The following BCL11B variants were observed in gnomAD, a reference collection of about 807,000 sequenced individuals.
BCL11B encodes the protein B-cell lymphoma/leukemia 11B.
In BCL11B, 8 loss-of-function variants were observed where a neutral mutation model predicts 49.9. The observed-to-expected ratio is 0.16, with a 90% CI of 0.09 to 0.29. BCL11B has a LOEUF of 0.29. Among genes scored for constraint, BCL11B ranks in the 10% least tolerant of loss-of-function variants. The probability of loss-of-function intolerance (pLI) is 1.00; values close to 1 mark genes in which losing one functional copy is unlikely to be tolerated. For missense variants in BCL11B, 1,006 were observed against 1,351.0 expected, an observed-to-expected ratio of 0.74 and a Z score of 4.00; for synonymous variants, 739 against 637.4, an observed-to-expected ratio of 1.16 and a Z score of -2.40.
chr14:99,185,994 G>T (rs1271978633), intron 3 of BCL11B, among the ~76,000 whole-genome samples: 3 of 152,182 alleles, frequency 2.0e-5, no homozygotes, highest in Non-Finnish European at 2.9e-5. Context: ...TCTGTGCCAG[G>T]CCCTATGCCA....
chr14:99,216,102 C>T (rs1363532311), intron 3 of BCL11B, among the ~76,000 whole-genome samples: 1 of 152,230 alleles, frequency 6.6e-6, no homozygotes, highest in Non-Finnish European at 1.5e-5. Context: ...GCACCTTTCA[C>T]AGGCCAGCTG....
Position 99,257,795 on chromosome 14 carries a change from C to T in BCL11B, c.103G>A (p.Gly35Ser). 1 of 1,564,976 alleles carries T rather than the reference C, an allele frequency of 6.4e-7. No individual in the cohort carries two copies. The highest frequency in any genetic ancestry group is 1.4e-5 in the African/African-American group (1 of 73,412). Reference protein sequence around the residue: ...VEAAILEEDEGLEIEEPSGLG... With the variant: ...VEAAILEEDESLEIEEPSGLG... ...CCACTTGGCTCCTCTATCTCCAGAC[C>T]CTCGTCTTCTTCGAGGATGGCGGCC... Residue 35 changes from glycine (G) to serine (S), a missense_variant, in exon 2 of 4, where the codon GGT becomes AGT. Physicochemically the swap from Gly to Ser is moderately conservative, Grantham distance 56. Coordinates refer to ENST00000357195, the MANE Select transcript of BCL11B (RefSeq NM_138576.4). The surrounding 1 kb of genome is among the most constrained non-coding windows in gnomAD (Gnocchi z 6.2).
intron 2 of BCL11B, among the ~76,000 whole-genome samples, chr14:99,246,037 C>T (rs544678612): frequency 2.6e-4 from 40 of 152,272 alleles, no homozygotes; most frequent in African/African-American, 7.0e-4. Context: ...GGAGCCGGTC[C>T]CGAGGCGGCT....
intron 3 of BCL11B, among the ~76,000 whole-genome samples, chr14:99,209,689 G>C (rs182976810): frequency 2.0e-5 from 3 of 152,144 alleles, no homozygotes. Flanking sequence ...GGCTGAGGGT[G>C]GGGGAAGAAG....
chr14:99,257,874 A>G lies in BCL11B; in HGVS notation c.59-35T>C. On this transcript the variant is annotated intron_variant, in intron 1 of 3. Coordinates refer to ENST00000357195, the MANE Select transcript of BCL11B (RefSeq NM_138576.4). This position sits in a 1 kb window ranked among gnomAD's most constrained non-coding sequence, Gnocchi z 6.2. ...GAAAGAAGAAAGGGAAGGGGCAGAG[A>G]AGATAGAGATGGGCTTAGGCGGTCA... is the stretch of plus-strand genomic sequence containing the variant. 2 of 1,493,930 alleles carry G rather than the reference A, an allele frequency of 1.3e-6. No individual in the cohort carries two copies. The highest frequency in any genetic ancestry group is 1.8e-6 in the Non-Finnish European group (2 of 1,119,928). 92.5% of individuals were successfully genotyped at this position (1,493,930 alleles called of 1,614,324 possible). A position where few individuals can be genotyped will look rare whatever the true frequency, so the allele number is the denominator to read the frequency against.
Position 99,175,365 on chromosome 14 carries a change from C to T in BCL11B, c.1471G>A (p.Gly491Arg), listed in dbSNP as rs1325009281. Residue 491 changes from glycine (G) to arginine (R), a missense_variant, in exon 4 of 4, where the codon GGG (glycine) becomes AGG (arginine). By Grantham distance (125) the Gly-to-Arg change is moderately radical. Coordinates refer to ENST00000357195, the MANE Select transcript of BCL11B (RefSeq NM_138576.4). Reference protein sequence around the residue: ...AGSLAGRSDDGLSAASSPEPG... With the variant: ...AGSLAGRSDDRLSAASSPEPG... ...TCGGGGGAGCTGGCGGCCGAGAGCC[C>T]GTCGTCGGAGCGGCCGGCCAGCGAG... 6.3e-7 allele frequency: 1 copy of T among 1,578,806 alleles called. No homozygotes were observed. The highest frequency in any genetic ancestry group is 8.6e-7 in the Non-Finnish European group (1 of 1,167,438).
At chr14:99,226,205 G>GAGCC (rs1888156719) in intron 3 of BCL11B, among the ~76,000 whole-genome samples, 1 of 152,196 alleles carries the variant, frequency 6.6e-6, no homozygotes, top group Non-Finnish European at 1.5e-5. Context: ...TTCCTACATG[G>GAGCC]AGCCAGCCCC....
At chr14:99,260,605 T>C (rs1040653630) in intron 1 of BCL11B, among the ~76,000 whole-genome samples, 2 of 152,222 alleles carry the variant, frequency 1.3e-5, no homozygotes, top group African/African-American at 4.8e-5. Flanking sequence ...CAGCTTCGTC[T>C]TTTGCCAAGA....
At chr14:99,178,884 C>T (rs1200232894) in intron 3 of BCL11B, among the ~76,000 whole-genome samples, 1 of 152,178 alleles carries the variant, frequency 6.6e-6, no homozygotes, top group South Asian at 2.1e-4. Context: ...AGTCAGGCCA[C>T]CTCCCTTCCC....
chr14:99,234,436 TA>T (rs1888430017), intron 2 of BCL11B, among the ~76,000 whole-genome samples: 1 of 152,026 alleles, frequency 6.6e-6, no homozygotes, highest in Non-Finnish European at 1.5e-5. Flanking sequence ...AGAAAGCACT[TA>T]AGGAGCGCTT....
In BCL11B at chr14:99,174,867, C is replaced by G. The variant is rs1023729728; in HGVS notation, c.1969G>C (p.Gly657Arg). 8.6e-7 allele frequency: 1 copy of G among 1,166,314 alleles called. No individual in the cohort carries two copies. Among genetic ancestry groups the G allele is most frequent in the Non-Finnish European group, 1.1e-6 (1 of 947,052 alleles). The allele number at this position is 1,166,314 out of a possible 1,614,324, so 72.2% of individuals were successfully genotyped here. A position where few individuals can be genotyped will look rare whatever the true frequency, so the allele number is the denominator to read the frequency against. ...AAGGGCTCGGTGCCTGGCGCGAAGCCGCCCCCGCGCCCGTTGACCGCGCCG... is the reference window on the plus strand; with the variant it reads ...AAGGGCTCGGTGCCTGGCGCGAAGCGGCCCCCGCGCCCGTTGACCGCGCCG... ...AGGAVNGRGGGFAPGTEPFPG... is the reference protein window; with the variant it reads ...AGGAVNGRGGRFAPGTEPFPG... Residue 657 changes from glycine (G) to arginine (R), a missense_variant, in exon 4 of 4, where the codon GGC (glycine) becomes CGC (arginine). Physicochemically the swap from Gly to Arg is moderately radical, Grantham distance 125 (BLOSUM62 -2). Coordinates refer to ENST00000357195, the MANE Select transcript of BCL11B (RefSeq NM_138576.4).
rs947749774 is a variant in BCL11B at position 99,213,849 on chromosome 14, A to G, written c.640+17496T>C. ...GAGGGGCTGCCCCGTGCGCCCAGGCACAAGGGTACTGCTGGGGCCAGCATC... is the reference window on the plus strand; with the variant it reads ...GAGGGGCTGCCCCGTGCGCCCAGGCGCAAGGGTACTGCTGGGGCCAGCATC... On this transcript the variant is annotated intron_variant, in intron 3 of 3. Coordinates refer to ENST00000357195, the MANE Select transcript of BCL11B (RefSeq NM_138576.4). The surrounding 1 kb of genome is among the most constrained non-coding windows in gnomAD (Gnocchi z 5.1). Among the ~76,000 whole-genome samples the G allele has an allele frequency of 6.6e-6, 1 of 152,194 alleles. No homozygotes were observed. Among genetic ancestry groups the G allele is most frequent in the African/African-American group, 2.4e-5 (1 of 41,456 alleles).
At chr14:99,226,743 A>G (rs1214194730) in intron 3 of BCL11B, among the ~76,000 whole-genome samples, 1 of 152,182 alleles carries the variant, frequency 6.6e-6, no homozygotes, top group African/African-American at 2.4e-5. Context: ...CCAACACAAA[A>G]TGAACACTGG....
At chr14:99,235,253 G>A (rs1159295470) in intron 2 of BCL11B, among the ~76,000 whole-genome samples, 1 of 152,232 alleles carries the variant, frequency 6.6e-6, no homozygotes, top group Non-Finnish European at 1.5e-5. Context: ...CAGGAGACGA[G>A]TATTTTTCTC....
rs35487573 is a variant in BCL11B at position 99,218,061 on chromosome 14, G to GTTT, written c.640+13281_640+13283dup. On this transcript the variant is annotated intron_variant, in intron 3 of 3. Transcript: ENST00000357195. ...TTAATTCTCATAATAATCATTGCAG[G>GTTT]TTTTTTTTTTTTTTTTTTTTTTGAG... 8.9e-4 allele frequency among the ~76,000 whole-genome samples: 104 copies of GTTT among 116,914 alleles called. 1 individual carries two copies. Among genetic ancestry groups the GTTT allele is most frequent in the African/African-American group, 1.3e-3 (41 of 31,736 alleles). The allele number at this position is 116,914 out of a possible 152,430, so 76.7% of individuals were successfully genotyped here.
chr14:99,188,440 G>T (rs1295583222), intron 3 of BCL11B, among the ~76,000 whole-genome samples: 3 of 152,124 alleles, frequency 2.0e-5, no homozygotes, highest in Non-Finnish European at 4.4e-5. Flanking sequence ...GGGTTTGCCC[G>T]GGTGGATAGG....
In BCL11B at chr14:99,262,172, G is replaced by A. The variant is rs146560776; in HGVS notation, c.59-4333C>T. 6.6e-6 allele frequency among the ~76,000 whole-genome samples: 1 copy of A among 152,330 alleles called. No homozygotes were observed. The highest frequency in any genetic ancestry group is 1.9e-4 in the East Asian group (1 of 5,186). On this transcript the variant is annotated intron_variant, in intron 1 of 3. Transcript: ENST00000357195. The surrounding 1 kb of genome is among the most constrained non-coding windows in gnomAD (Gnocchi z 4.2). The stretch of plus-strand genomic sequence containing the variant: ...CCAGCAGCTGCAAGCTTTCAGCAGG[G>A]CCTTACCTGGCCAGTGACTCCCCCA...
intron 3 of BCL11B, among the ~76,000 whole-genome samples, chr14:99,179,921 T>A (rs1017731860): frequency 2.0e-5 from 3 of 152,222 alleles, no homozygotes; most frequent in African/African-American, 7.2e-5. Context: ...CAGAAAGTCT[T>A]TGAAGAGCCA....
chr14:99,174,129 C>G lies in BCL11B; in HGVS notation c.*22G>C. Reference sequence around the variant, plus strand: ...TGGCAACGGTTCCACTGTACAGGTGCGGGGCGCCGGGGCCCGCGCGCTTAG... The same window carrying G: ...TGGCAACGGTTCCACTGTACAGGTGGGGGGCGCCGGGGCCCGCGCGCTTAG... On this transcript the variant is annotated 3_prime_UTR_variant, in exon 4 of 4. Coordinates refer to ENST00000357195, the MANE Select transcript of BCL11B (RefSeq NM_138576.4). 1.2e-6 allele frequency: 2 copies of G among 1,603,536 alleles called. No homozygotes were observed. The highest frequency in any genetic ancestry group is 1.7e-6 in the Non-Finnish European group (2 of 1,177,270).
Sources: allele counts gnomAD v4.1 joint callset (sites outside exome capture counted in the v4.1 genomes callset), GRCh38; gene constraint gnomAD v4.1.1; non-coding constraint Gnocchi (gnomAD v3.1); transcripts MANE v1.5; gene names NCBI Gene and HGNC (gene_info 2026-07-23, HGNC 2026-07-21).